The following ACSBG1 variants were observed in gnomAD, a reference collection of about 807,000 sequenced individuals.
The protein encoded by ACSBG1 is long-chain-fatty-acid--CoA ligase ACSBG1.
In ACSBG1, 39 loss-of-function variants were observed where a neutral mutation model predicts 80.2. The observed-to-expected ratio is 0.49, with a 90% CI of 0.38 to 0.64. The LOEUF (loss-of-function observed/expected upper bound fraction) is 0.64. Ranked by LOEUF, ACSBG1 falls within the 30% of genes least tolerant of loss-of-function variation. The pLI is 0.00. For missense variants in ACSBG1, 828 were observed against 966.4 expected, an observed-to-expected ratio of 0.86 and a Z score of 1.90; for synonymous variants, 392 against 379.5, an observed-to-expected ratio of 1.03 and a Z score of -0.38.
At chr15:78,173,969 A>C in intron 12 of ACSBG1, 130 bp from the exon 13 acceptor site, 1 of 1,126,300 alleles carries the variant, frequency 8.9e-7, no homozygotes, top group Non-Finnish European at 1.2e-6. Flanking sequence ...AGACGGTTCT[A>C]GAATGAGTAG....
At chr15:78,200,702 T>C (rs869858) in intron 2 of ACSBG1, among the ~76,000 whole-genome samples, 103,897 of 151,994 alleles carry the variant, frequency 0.68, 35,982 homozygotes, top group Admixed American at 0.78. Context: ...AGGACTATCA[T>C]GCCTCCCGCC....
chr15:78,197,143 G>C (rs1264764395), intron 2 of ACSBG1, among the ~76,000 whole-genome samples: 1 of 152,030 alleles, frequency 6.6e-6, no homozygotes, highest in Non-Finnish European at 1.5e-5. Flanking sequence ...GCTACAACAT[G>C]GATGAAACTC....
chr15:78,227,218 CAAAAAAAA>C lies in ACSBG1; in HGVS notation c.131+7145_131+7152del, dbSNP rs56011241. Among the ~76,000 whole-genome samples the C allele has an allele frequency of 7.4e-5, 4 of 53,776 alleles. No homozygotes were observed. In the Admixed American group the frequency reaches 1.0e-3, roughly 14 times the overall value. The allele number at this position is 53,776 out of a possible 152,430, so 35.3% of individuals were successfully genotyped here. ...TGGGTGACAGAGCGAGACCCTGTCT[CAAAAAAAA>C]AAAAAAAAAAAAAAAAAAGATACAC... On this transcript the variant is annotated intron_variant, in intron 1 of 13. Coordinates refer to ENST00000258873, the MANE Select transcript of ACSBG1 (RefSeq NM_015162.5).
intron 11 of ACSBG1, among the ~76,000 whole-genome samples, chr15:78,175,733 G>A (rs1378575550): frequency 6.6e-6 from 1 of 152,170 alleles, no homozygotes; most frequent in Non-Finnish European, 1.5e-5. Flanking sequence ...GGTGAAGAGT[G>A]GTTATTCAGG....
intron 2 of ACSBG1, among the ~76,000 whole-genome samples, chr15:78,203,796 G>C (rs961386146): frequency 6.6e-6 from 1 of 152,252 alleles, no homozygotes; most frequent in African/African-American, 2.4e-5. Context: ...AATAACTGGT[G>C]TTGAGGAAGA....
intron 2 of ACSBG1, among the ~76,000 whole-genome samples, chr15:78,206,036 C>T (rs1045109908): frequency 6.6e-6 from 1 of 152,218 alleles, no homozygotes; most frequent in Admixed American, 6.5e-5. Context: ...CCCCCAAGGA[C>T]ACCAGGGCTG....
chr15:78,207,965 C>T (rs753791598), intron 2 of ACSBG1, 37 bp downstream of exon 2: 4 of 743,060 alleles, frequency 5.4e-6, no homozygotes, highest in Admixed American at 1.9e-5. Context: ...GCACAGTTTC[C>T]CGCCCTGCCC....
At chr15:78,192,468 G>A (rs974259195) in intron 5 of ACSBG1, among the ~76,000 whole-genome samples, 1 of 152,216 alleles carries the variant, frequency 6.6e-6, no homozygotes, top group African/African-American at 2.4e-5. Flanking sequence ...TGAGCCAGAA[G>A]TTCTTGGCCT....
chr15:78,230,504 C>G, intron 1 of ACSBG1, among the ~76,000 whole-genome samples: 1 of 152,344 alleles, frequency 6.6e-6, no homozygotes, highest in East Asian at 1.9e-4. Context: ...GCCACCATGG[C>G]CACAAGGTCA....
chr15:78,229,024 C>T (rs1357466453), intron 1 of ACSBG1, among the ~76,000 whole-genome samples: 1 of 151,054 alleles, frequency 6.6e-6, no homozygotes, highest in Non-Finnish European at 1.5e-5. Flanking sequence ...ATAAAATTTT[C>T]CATTTGAAAT....
In ACSBG1 at chr15:78,214,188, G is replaced by A. The variant is rs141376341; in HGVS notation, c.132-6086C>T. Among the ~76,000 whole-genome samples, 278 of 152,272 alleles carry A rather than the reference G, an allele frequency of 1.8e-3. 2 individuals are homozygous for A. The highest frequency in any genetic ancestry group is 6.5e-3 in the African/African-American group (269 of 41,550). The stretch of plus-strand genomic sequence containing the variant: ...CCTCCTTCACTACAGGGACTAGCCG[G>A]TCTGTGGCAGCAGCCAGCCCCCACC... On this transcript the variant is annotated intron_variant, in intron 1 of 13. Transcript: ENST00000258873.
rs1307417958 is a variant in ACSBG1, at chr15:78,168,689, C to G, written c.*2755G>C. 2 of 337,640 alleles carry G rather than the reference C, an allele frequency of 5.9e-6. No individual in the cohort carries two copies. Among genetic ancestry groups the G allele is most frequent in the African/African-American group, 4.2e-5 (2 of 47,628 alleles). The allele number at this position is 337,640 out of a possible 1,614,324, so 20.9% of individuals were successfully genotyped here. ...TAAAGCTCCCTGCCTCCCTTTGCATCAAGAGCACCTTATTCTTTGCAGAGT... is the reference window on the plus strand; with the variant it reads ...TAAAGCTCCCTGCCTCCCTTTGCATGAAGAGCACCTTATTCTTTGCAGAGT... On this transcript the variant is annotated 3_prime_UTR_variant, in exon 14 of 14. Transcript: ENST00000258873.
chr15:78,172,054 G>C lies in ACSBG1; in HGVS notation c.2090-525C>G, dbSNP rs1188722476. The C allele has an allele frequency of 2.0e-5, 3 of 152,832 alleles. No homozygotes were observed. Among genetic ancestry groups the C allele is most frequent in the Non-Finnish European group, 2.9e-5 (2 of 68,494 alleles). 9.5% of individuals were successfully genotyped at this position (152,832 alleles called of 1,614,324 possible). A position where few individuals can be genotyped will look rare whatever the true frequency, so the allele number is the denominator to read the frequency against. ...ATGAGAGGCCCACTGGCCACACACG[G>C]ATGTTTCTGGCCAGCAGACAGCAAG... On this transcript the variant is annotated intron_variant, in intron 13 of 13. Coordinates refer to ENST00000258873, the MANE Select transcript of ACSBG1 (RefSeq NM_015162.5). This position sits in a 1 kb window ranked among gnomAD's most constrained non-coding sequence, Gnocchi z 4.1.
chr15:78,193,202 T>C (rs1477160677), intron 5 of ACSBG1, among the ~76,000 whole-genome samples: 1 of 152,096 alleles, frequency 6.6e-6, no homozygotes, highest in Non-Finnish European at 1.5e-5. Context: ...CCCCCACAGC[T>C]CTTGCTTCCC....
rs138849788 is a variant in ACSBG1 at position 78,191,858 on chromosome 15, G to C, written c.663+1648C>G. On this transcript the variant is annotated intron_variant, in intron 5 of 13. Coordinates refer to ENST00000258873, the MANE Select transcript of ACSBG1 (RefSeq NM_015162.5). ...GATTTAAAAGCACTTATATGGTGCT[G>C]CCATGGGTTGAATTGTCTCCCCCTC... Among the ~76,000 whole-genome samples, 444 of 152,274 alleles carry C rather than the reference G, an allele frequency of 2.9e-3. 2 individuals carry two copies. The highest frequency in any genetic ancestry group is 4.7e-3 in the Non-Finnish European group (317 of 68,022).
chr15:78,207,510 C>G (rs572027947), intron 2 of ACSBG1, among the ~76,000 whole-genome samples: 1 of 152,022 alleles, frequency 6.6e-6, no homozygotes, highest in African/African-American at 2.4e-5. Context: ...CTCTGCCTTC[C>G]TTAAGGCACA....
intron 11 of ACSBG1, among the ~76,000 whole-genome samples, chr15:78,175,052 A>C (rs2074869526): frequency 6.6e-6 from 1 of 152,230 alleles, no homozygotes; most frequent in Non-Finnish European, 1.5e-5. Context: ...TGGCAGAGCT[A>C]AGGTTTTAAA....
chr15:78,210,330 T>C (rs574734793), intron 1 of ACSBG1, among the ~76,000 whole-genome samples: 26 of 152,352 alleles, frequency 1.7e-4, no homozygotes, highest in African/African-American at 6.3e-4. Flanking sequence ...ATTAAAAGAA[T>C]GTCAAAACCT....
At position 78,168,807 on chromosome 15, in the gene ACSBG1, T is replaced by C. The variant is rs1480796395; in HGVS notation, c.*2637A>G. The C allele has an allele frequency of 3.0e-6, 2 of 669,100 alleles. No individual in the cohort carries two copies. The highest frequency in any genetic ancestry group is 5.4e-6 in the Non-Finnish European group (2 of 367,930). The allele number at this position is 669,100 out of a possible 1,614,324, so 41.4% of individuals were successfully genotyped here. ...CCTCACTTTGAAATGAGGAACTAAA[T>C]GAAAGAGCAGCCGAGTAACTTGCCC... On this transcript the variant is annotated 3_prime_UTR_variant, in exon 14 of 14. Transcript: ENST00000258873.
Sources: gnomAD v4.1 joint callset for allele counts (sites outside exome capture counted in the v4.1 genomes callset) on GRCh38, gnomAD v4.1.1 for gene constraint, Gnocchi (gnomAD v3.1) non-coding constraint, MANE v1.5 for transcripts, NCBI Gene and HGNC (gene_info 2026-07-23, HGNC 2026-07-21) for gene names.